Variants in TENM2 observed in about 807,000 individuals in gnomAD.
TENM2 encodes teneurin transmembrane protein 2, also known as teneurin-2.
Under a neutral mutation model 245.2 loss-of-function variants are expected in TENM2, and 52 were observed. The ratio of observed to expected loss-of-function variants is 0.21; its 90% CI spans 0.17 to 0.27. The LOEUF is 0.27. Ranked by LOEUF, TENM2 falls within the 10% of genes least tolerant of loss-of-function variation. The probability of loss-of-function intolerance (pLI) is 1.00; values close to 1 mark genes in which losing one functional copy is unlikely to be tolerated. For synonymous variants in TENM2, 1,363 were observed against 1,438.9 expected (o/e 0.95, Z 1.19); for missense variants, 3,046 against 3,666.8 (o/e 0.83, Z 4.37).
At chr5:167,953,131 G>T (rs1477972259) in intron 4 of TENM2, among the ~76,000 whole-genome samples, 1 of 152,090 alleles carries the variant, frequency 6.6e-6, no homozygotes, top group Non-Finnish European at 1.5e-5. Flanking sequence ...TGCTTATAAG[G>T]GTATATTGAC....
At chr5:167,206,500 C>CAGGACAT in the TENM2 span, among the ~76,000 whole-genome samples, 2 of 152,112 alleles carry the variant, frequency 1.3e-5, no homozygotes, top group Non-Finnish European at 2.9e-5. Context: ...ATACCTCAGG[C>CAGGACAT]AGGACATATA....
At chr5:167,316,189 A>C (rs1756354290) in intron 1 of TENM2, among the ~76,000 whole-genome samples, 1 of 152,228 alleles carries the variant, frequency 6.6e-6, no homozygotes. Flanking sequence ...TGTAAGCTTC[A>C]TAAAGGCAGA....
chr5:168,038,640 G>C (rs964272853), intron 5 of TENM2, among the ~76,000 whole-genome samples: 1 of 152,236 alleles, frequency 6.6e-6, no homozygotes, highest in African/African-American at 2.4e-5. Flanking sequence ...GTGAAGCTCA[G>C]AGAGGTAAAT....
At position 167,523,327 on chromosome 5, in the gene TENM2, G is replaced by A. The variant is rs147503925; in HGVS notation, c.502+147854G>A. Among the ~76,000 whole-genome samples the A allele has an allele frequency of 2.5e-3, 379 of 152,298 alleles. 1 individual carries two copies. The highest frequency in any genetic ancestry group is 8.7e-3 in the African/African-American group (362 of 41,590). ...GGGACAGCAGGTAACTATTGAGCACGTGCATCATTTCTGTGGGCAGCACCA... is the reference window on the plus strand; with the variant it reads ...GGGACAGCAGGTAACTATTGAGCACATGCATCATTTCTGTGGGCAGCACCA... On this transcript the variant is annotated intron_variant, in intron 2 of 28. Transcript: ENST00000518659.
At chr5:167,021,274 A>C in the TENM2 span, among the ~76,000 whole-genome samples, 31 of 152,236 alleles carry the variant, frequency 2.0e-4, no homozygotes, top group Admixed American at 5.9e-4. Context: ...AAAAAAAATG[A>C]CTTTCTTTGA....
intron 1 of TENM2, among the ~76,000 whole-genome samples, chr5:167,316,818 G>T (rs1756390626): frequency 6.6e-6 from 1 of 152,164 alleles, no homozygotes; most frequent in South Asian, 2.1e-4. Flanking sequence ...AATTTAAATT[G>T]ATAATTACAG....
chr5:167,945,321 C>CGGG (rs148552714), intron 3 of TENM2, among the ~76,000 whole-genome samples: 10 of 151,116 alleles, frequency 6.6e-5, no homozygotes, highest in South Asian at 4.2e-4. Context: ...ATCAAGCACC[C>CGGG]GGGGGGGGCA....
At chr5:168,208,293 C>T (rs1179566266) in intron 19 of TENM2, among the ~76,000 whole-genome samples, 1 of 152,112 alleles carries the variant, frequency 6.6e-6, no homozygotes, top group Non-Finnish European at 1.5e-5. Context: ...ATTTTTTAAA[C>T]ATAAAATAAT....
the TENM2 span, among the ~76,000 whole-genome samples, chr5:167,086,019 A>G: frequency 6.6e-6 from 1 of 152,324 alleles, no homozygotes; most frequent in South Asian, 2.1e-4. Context: ...GACCTCTGAC[A>G]ATTCCTCTCA....
At chr5:168,036,131 C>T (rs532384363) in intron 5 of TENM2, among the ~76,000 whole-genome samples, 12 of 152,214 alleles carry the variant, frequency 7.9e-5, no homozygotes, top group African/African-American at 2.9e-4. Context: ...TGGGGATTTC[C>T]ATGGAGTTAG....
intron 5 of TENM2, among the ~76,000 whole-genome samples, chr5:168,028,703 T>C (rs1452584526): frequency 6.6e-6 from 1 of 152,134 alleles, no homozygotes; most frequent in Non-Finnish European, 1.5e-5. Context: ...TTGGCAAGTT[T>C]ACTTGGTGGC....
chr5:167,855,511 T>C (rs1251807180), intron 2 of TENM2, among the ~76,000 whole-genome samples: 3 of 152,052 alleles, frequency 2.0e-5, no homozygotes, highest in Non-Finnish European at 4.4e-5. Flanking sequence ...ATTTATGTGT[T>C]GATTGCCCCT....
chr5:167,546,274 G>A (rs1772554366), intron 2 of TENM2, among the ~76,000 whole-genome samples: 1 of 152,132 alleles, frequency 6.6e-6, no homozygotes, highest in South Asian at 2.1e-4. Flanking sequence ...CACATAGCAT[G>A]TCTTCTTTTT....
chr5:167,374,636 C>T (rs1475865281), intron 1 of TENM2, among the ~76,000 whole-genome samples: 1 of 152,002 alleles, frequency 6.6e-6, no homozygotes. Context: ...AGCTGCCACT[C>T]GTATTCATTA....
intron 2 of TENM2, among the ~76,000 whole-genome samples, chr5:167,675,767 G>A (rs1009923871): frequency 1.3e-5 from 2 of 152,014 alleles, no homozygotes; most frequent in African/African-American, 2.4e-5. Flanking sequence ...TCTGGTACAC[G>A]TCCAGAATGA....
chr5:168,201,285 T>G lies in TENM2; in HGVS notation c.3430+1154T>G, dbSNP rs1428790972. 2.0e-5 allele frequency among the ~76,000 whole-genome samples: 3 copies of G among 152,030 alleles called. No individual in the cohort carries two copies. In the East Asian group the frequency reaches 5.8e-4, roughly 29 times the overall value. On this transcript the variant is annotated intron_variant, in intron 17 of 28. Transcript: ENST00000518659. ...AATCAAATATATGTATATTTGTGTG[T>G]GTGTGTATATATATATACACACATA... is the stretch of plus-strand genomic sequence containing the variant.
chr5:167,866,462 C>T (rs979850253), intron 2 of TENM2, among the ~76,000 whole-genome samples: 6 of 146,308 alleles, frequency 4.1e-5, no homozygotes, highest in Non-Finnish European at 8.9e-5. Flanking sequence ...GGCACCACTG[C>T]ACTCCAGCCT....
chr5:167,450,813 C>T (rs1057177364), intron 2 of TENM2, among the ~76,000 whole-genome samples: 4 of 152,086 alleles, frequency 2.6e-5, no homozygotes, highest in African/African-American at 9.7e-5. Flanking sequence ...CTCTGTGCTA[C>T]ATTAGATACC....
chr5:167,817,748 A>T (rs73803212), intron 2 of TENM2, among the ~76,000 whole-genome samples: 10,759 of 152,292 alleles, frequency 0.071, 452 homozygotes, highest in Middle Eastern at 0.11. Flanking sequence ...GGATAGTGAG[A>T]TGAAACGCTG....
Sources: allele counts gnomAD v4.1 joint callset (sites outside exome capture counted in the v4.1 genomes callset), GRCh38; gene constraint gnomAD v4.1.1; transcripts MANE v1.5; gene names NCBI Gene and HGNC (gene_info 2026-07-23, HGNC 2026-07-21).